Variants in RCOR1 observed in about 807,000 individuals in gnomAD.
The protein encoded by RCOR1 is REST corepressor 1.
RCOR1 carries 12 observed loss-of-function variants against 64.0 expected under a neutral mutation model. The observed-to-expected ratio is 0.19, with a 90% CI of 0.12 to 0.30. The LOEUF (loss-of-function observed/expected upper bound fraction) is 0.30. Ranked by LOEUF, RCOR1 falls within the 10% of genes least tolerant of loss-of-function variation. RCOR1 has a pLI of 1.00. For missense variants in RCOR1, 502 were observed against 621.2 expected, an observed-to-expected ratio of 0.81 and a Z score of 2.04; for synonymous variants, 279 against 227.2, an observed-to-expected ratio of 1.23 and a Z score of -2.05.
intron 4 of RCOR1, among the ~76,000 whole-genome samples, chr14:102,705,434 A>C (rs1317393682): frequency 1.3e-5 from 2 of 152,142 alleles, no homozygotes; most frequent in African/African-American, 4.8e-5. Context: ...AATAAATAAA[A>C]GCTTGTGTCT....
At chr14:102,725,737 G>C (rs554423875) in intron 11 of RCOR1, among the ~76,000 whole-genome samples, 1 of 151,952 alleles carries the variant, frequency 6.6e-6, no homozygotes, top group Non-Finnish European at 1.5e-5. Context: ...CACCACGCAC[G>C]GCCAATATTT....
intron 2 of RCOR1, among the ~76,000 whole-genome samples, chr14:102,596,205 A>C (rs991214047): frequency 1.3e-5 from 2 of 150,658 alleles, no homozygotes; most frequent in African/African-American, 4.9e-5. Context: ...GGGTTCAAGC[A>C]ATTTTCCTGC....
intron 2 of RCOR1, among the ~76,000 whole-genome samples, chr14:102,653,788 A>G (rs1595213827): frequency 6.6e-6 from 1 of 151,772 alleles, no homozygotes; most frequent in Admixed American, 6.6e-5. Context: ...TTCCACCATG[A>G]TTATAAGTTT....
chr14:102,595,887 CTTT>C (rs1893232325), intron 2 of RCOR1, among the ~76,000 whole-genome samples: 2 of 151,256 alleles, frequency 1.3e-5, no homozygotes, highest in African/African-American at 2.4e-5. Flanking sequence ...CCCCAAATTT[CTTT>C]ATTTTGTGTT....
chr14:102,656,093 CAG>C (rs1346371648), intron 2 of RCOR1: 1 of 984,912 alleles, frequency 1.0e-6, no homozygotes, highest in Non-Finnish European at 1.2e-6. Context: ...TGAGTGGAAA[CAG>C]ATTCTTTTCA....
intron 7 of RCOR1, 74 bp downstream of exon 7, chr14:102,711,087 C>T: frequency 1.1e-6 from 1 of 939,552 alleles, no homozygotes; most frequent in Non-Finnish European, 1.7e-6. Context: ...ATTCATGTTG[C>T]TTGTTCTACT....
chr14:102,699,642 C>T (rs2139977030), intron 3 of RCOR1, among the ~76,000 whole-genome samples: 2 of 152,110 alleles, frequency 1.3e-5, no homozygotes, highest in East Asian at 1.9e-4. Flanking sequence ...TCACTCTGAG[C>T]CTGTTTTCTC....
At chr14:102,638,043 A>G (rs978700256) in intron 2 of RCOR1, among the ~76,000 whole-genome samples, 2 of 152,216 alleles carry the variant, frequency 1.3e-5, no homozygotes, top group Admixed American at 6.5e-5. Flanking sequence ...AAAAAAATTT[A>G]ACTTCCCCCA....
rs1353468970 is a variant in RCOR1 at position 102,676,193 on chromosome 14, G to A, written c.362-5702G>A. Among the ~76,000 whole-genome samples the A allele has an allele frequency of 2.6e-4, 39 of 150,512 alleles. 1 individual carries two copies. The highest frequency in any genetic ancestry group is 2.4e-3 in the Admixed American group (36 of 15,160). On this transcript the variant is annotated intron_variant, in intron 2 of 11. Transcript: ENST00000262241. Reference sequence around the variant, plus strand: ...CTTTCTATTCCACAAAACCGCCATTGTCATCATGGCCCATCCCCAATGAGC... The same window carrying A: ...CTTTCTATTCCACAAAACCGCCATTATCATCATGGCCCATCCCCAATGAGC...
intron 7 of RCOR1, among the ~76,000 whole-genome samples, chr14:102,712,947 GTTTTTTTTTT>G (rs67246962): frequency 3.9e-5 from 3 of 77,688 alleles, no homozygotes; most frequent in African/African-American, 4.9e-5. Flanking sequence ...CTAAATCATT[GTTTTTTTTTT>G]TTTTTTTTTT....
At chr14:102,695,444 T>C (rs141587659) in intron 3 of RCOR1, 200 of 152,380 alleles carry the variant, frequency 1.3e-3, no homozygotes, top group African/African-American at 4.5e-3. Context: ...CAGATGGAAC[T>C]CCTTGTTCTT....
Position 102,729,982 on chromosome 14 carries a change from C to T in RCOR1, c.*3476C>T, listed in dbSNP as rs1045563194. On this transcript the variant is annotated 3_prime_UTR_variant, in exon 12 of 12. Transcript: ENST00000262241. ...GTCACCTAAACCTAGTGGTCCTGTG[C>T]GATGCTCTTTCTGCCAGTCCCTGAA... 1.5e-5 allele frequency: 6 copies of T among 398,900 alleles called. No individual in the cohort carries two copies. The highest frequency in any genetic ancestry group is 2.1e-5 in the African/African-American group (1 of 48,618). 24.7% of individuals were successfully genotyped at this position (398,900 alleles called of 1,614,324 possible). A position where few individuals can be genotyped will look rare whatever the true frequency, so the allele number is the denominator to read the frequency against.
chr14:102,673,881 C>T (rs1895084817), intron 2 of RCOR1, among the ~76,000 whole-genome samples: 1 of 152,226 alleles, frequency 6.6e-6, no homozygotes, highest in Admixed American at 6.5e-5. Flanking sequence ...TCGCCAAGTG[C>T]TGGGATTACA....
chr14:102,647,441 C>G (rs1352859342), intron 2 of RCOR1, among the ~76,000 whole-genome samples: 1 of 151,460 alleles, frequency 6.6e-6, no homozygotes, highest in Non-Finnish European at 1.5e-5. Flanking sequence ...CTCAGCCTCC[C>G]AAGTAGCTGG....
intron 4 of RCOR1, 143 bp downstream of exon 4, chr14:102,701,473 C>G: frequency 1.8e-6 from 1 of 563,280 alleles, no homozygotes; most frequent in Non-Finnish European, 3.0e-6. Context: ...TACACAAACT[C>G]TGGTCTTCTT....
intron 2 of RCOR1, among the ~76,000 whole-genome samples, chr14:102,605,720 A>G (rs1220071692): frequency 6.6e-6 from 1 of 152,182 alleles, no homozygotes; most frequent in East Asian, 1.9e-4. Context: ...ACTTATAAAA[A>G]TTATCAGTTT....
At chr14:102,640,049 TAGTC>T (rs1335799515) in intron 2 of RCOR1, among the ~76,000 whole-genome samples, 2 of 152,228 alleles carry the variant, frequency 1.3e-5, no homozygotes, top group African/African-American at 4.8e-5. Context: ...TTCACCATGT[TAGTC>T]AGGCTGGTCT....
At position 102,726,764 on chromosome 14, in the gene RCOR1, T is replaced by A; in HGVS notation, c.*258T>A. The A allele has an allele frequency of 2.1e-6, 1 of 467,066 alleles. No individual in the cohort carries two copies. Among genetic ancestry groups the A allele is most frequent in the Non-Finnish European group, 3.7e-6 (1 of 267,286 alleles). The allele number at this position is 467,066 out of a possible 1,614,324, so 28.9% of individuals were successfully genotyped here. A position where few individuals can be genotyped will look rare whatever the true frequency, so the allele number is the denominator to read the frequency against. On this transcript the variant is annotated 3_prime_UTR_variant, in exon 12 of 12. Coordinates refer to ENST00000262241, the MANE Select transcript of RCOR1 (RefSeq NM_015156.4). ...GGGGAAGTCTCACGGCCTGCACATC[T>A]CTTGTGACTCTGGGAACCGCCTCTC...
At chr14:102,675,795 C>T (rs1443456648) in intron 2 of RCOR1, among the ~76,000 whole-genome samples, 1 of 152,214 alleles carries the variant, frequency 6.6e-6, no homozygotes, top group African/African-American at 2.4e-5. Flanking sequence ...CCTCACACTT[C>T]TAGACCCTGG....
Sources: allele counts gnomAD v4.1 joint callset (sites outside exome capture counted in the v4.1 genomes callset), GRCh38; gene constraint gnomAD v4.1.1; transcripts MANE v1.5; gene names NCBI Gene and HGNC (gene_info 2026-07-23, HGNC 2026-07-21).